APP: variants seen among roughly 807,000 people sequenced by gnomAD.
The protein encoded by APP is amyloid beta precursor protein.
In APP, 31 loss-of-function variants were observed where a neutral mutation model predicts 101.4. The observed-to-expected ratio is 0.31, with a 90% CI of 0.23 to 0.41. The LOEUF (loss-of-function observed/expected upper bound fraction) is 0.41, where lower values mean the gene tolerates loss of function less well. Among genes scored for constraint, APP ranks in the 10% least tolerant of loss-of-function variants. The pLI is 1.00. For synonymous variants in APP, 366 were observed against 364.4 expected (o/e 1.00, Z -0.05); for missense variants, 839 against 1,003.7 (o/e 0.84, Z 2.22).
intron 2 of APP, among the ~76,000 whole-genome samples, chr21:26,102,082 GTTT>G (rs35680514): frequency 1.7e-3 from 171 of 101,148 alleles, no homozygotes; most frequent in African/African-American, 6.3e-3. Context: ...AAACTATGTG[GTTT>G]TTTTTTTTTT....
intron 2 of APP, among the ~76,000 whole-genome samples, chr21:26,101,977 C>T (rs2062066832): frequency 6.6e-6 from 1 of 151,836 alleles, no homozygotes; most frequent in East Asian, 1.9e-4. Flanking sequence ...CTAAATTTGC[C>T]TGTATTAAAT....
chr21:26,007,464 TTACAATATATAATTATATAA>T (rs1400590291), intron 6 of APP, among the ~76,000 whole-genome samples: 1 of 147,702 alleles, frequency 6.8e-6, no homozygotes, highest in East Asian at 1.9e-4. Flanking sequence ...ATACTATATA[TTACAATATATAATTATATAA>T]TACAATATAC....
At chr21:25,886,932 G>T (rs1247495870) in intron 17 of APP, among the ~76,000 whole-genome samples, 1 of 151,930 alleles carries the variant, frequency 6.6e-6, no homozygotes, top group Non-Finnish European at 1.5e-5. Context: ...AGTCACCAGT[G>T]TGACAGCATA....
intron 1 of APP, among the ~76,000 whole-genome samples, chr21:26,158,513 G>A (rs1569044963): frequency 6.6e-6 from 1 of 152,152 alleles, no homozygotes; most frequent in African/African-American, 2.4e-5. Flanking sequence ...GCATCGAGGT[G>A]TCACTATCTG....
chr21:26,067,894 C>G (rs2046520433), intron 3 of APP, among the ~76,000 whole-genome samples: 1 of 151,244 alleles, frequency 6.6e-6, no homozygotes, highest in Non-Finnish European at 1.5e-5. Flanking sequence ...TCTCCTAACA[C>G]TTTCCTTTCT....
intron 2 of APP, among the ~76,000 whole-genome samples, chr21:26,104,892 A>C (rs2062145301): frequency 6.6e-6 from 1 of 152,072 alleles, no homozygotes; most frequent in African/African-American, 2.4e-5. Context: ...CTAGGACCAG[A>C]CTGTTAACAG....
At chr21:26,031,129 AAAG>A (rs149772243) in intron 5 of APP, among the ~76,000 whole-genome samples, 15,663 of 152,096 alleles carry the variant, frequency 0.1, 1,256 homozygotes, top group East Asian at 0.29. Flanking sequence ...GAAGATGGTA[AAAG>A]AAGATGCCCT....
intron 2 of APP, among the ~76,000 whole-genome samples, chr21:26,091,579 C>T (rs566632139): frequency 6.6e-6 from 1 of 152,184 alleles, no homozygotes; most frequent in Non-Finnish European, 1.5e-5. Context: ...AGCAGCTACA[C>T]CTGATGACAG....
chr21:26,005,533 A>T (rs1467996076), intron 6 of APP, among the ~76,000 whole-genome samples: 1 of 152,212 alleles, frequency 6.6e-6, no homozygotes, highest in Non-Finnish European at 1.5e-5. Flanking sequence ...CAGTTTGAGA[A>T]AATTTCCTTT....
At chr21:26,150,967 T>C (rs2063257057) in intron 1 of APP, among the ~76,000 whole-genome samples, 1 of 152,178 alleles carries the variant, frequency 6.6e-6, no homozygotes, top group Non-Finnish European at 1.5e-5. Context: ...GTGAAATATA[T>C]AAAACTGGCC....
intron 4 of APP, 52 bp downstream of exon 4, chr21:26,053,184 C>A: frequency 7.5e-7 from 1 of 1,341,884 alleles, no homozygotes; most frequent in Non-Finnish European, 1.1e-6. Context: ...CCATTAAGCA[C>A]GTCCCCAGGA....
chr21:26,154,703 G>A (rs142440166), intron 1 of APP, among the ~76,000 whole-genome samples: 67 of 152,338 alleles, frequency 4.4e-4, no homozygotes, highest in African/African-American at 1.5e-3. Context: ...AGAGAACAGG[G>A]ACTGGGCTCT....
At chr21:26,145,772 T>G (rs2063142348) in intron 1 of APP, among the ~76,000 whole-genome samples, 1 of 152,236 alleles carries the variant, frequency 6.6e-6, no homozygotes, top group Non-Finnish European at 1.5e-5. Flanking sequence ...TTTTCTGTTT[T>G]TTATATAAAT....
intron 2 of APP, among the ~76,000 whole-genome samples, chr21:26,102,015 A>C (rs537478392): frequency 2.0e-5 from 3 of 151,882 alleles, no homozygotes. Context: ...CTTGAGATGT[A>C]GAATTGAAGT....
rs75498577 is a variant in APP at position 26,114,093 on chromosome 21, T to C, written c.58-1947A>G. On this transcript the variant is annotated intron_variant, in intron 1 of 17. Transcript: ENST00000346798. ...CATGTTGTTAACTGTACGGAGACAC[T>C]AATGAGCCTTTACCATAGCTGGTAA... 3.4e-4 allele frequency among the ~76,000 whole-genome samples: 52 copies of C among 152,314 alleles called. 1 individual carries two copies. The East Asian group carries it at 9.8e-3, about 29-fold the overall frequency.
At chr21:25,924,668 G>GC (rs35126738) in intron 13 of APP, among the ~76,000 whole-genome samples, 151,887 of 151,888 alleles carry the variant, frequency 1, 75,943 homozygotes, top group Non-Finnish European at 1. Context: ...TGCATGCGGA[G>GC]TTAAAACCTA....
intron 11 of APP, among the ~76,000 whole-genome samples, chr21:25,957,566 A>T (rs971822452): frequency 7.2e-5 from 11 of 152,174 alleles, no homozygotes; most frequent in African/African-American, 2.7e-4. Flanking sequence ...GCTGTGACTA[A>T]TCGCATTTAA....
At chr21:25,883,733 C>T (rs190312535) in intron 17 of APP, among the ~76,000 whole-genome samples, 20 of 152,290 alleles carry the variant, frequency 1.3e-4, no homozygotes, top group African/African-American at 4.6e-4. Context: ...TCAGTATAAT[C>T]AGGTCCCCTG....
intron 3 of APP, among the ~76,000 whole-genome samples, chr21:26,065,461 A>G (rs992239100): frequency 1.3e-5 from 2 of 152,158 alleles, no homozygotes; most frequent in Non-Finnish European, 2.9e-5. Flanking sequence ...TGGCATTTAA[A>G]TTTTTTAAAA....
Sources: allele counts gnomAD v4.1 joint callset (sites outside exome capture counted in the v4.1 genomes callset), GRCh38; gene constraint gnomAD v4.1.1; transcripts MANE v1.5; gene names NCBI Gene and HGNC (gene_info 2026-07-23, HGNC 2026-07-21).